The following WARS2 variants were observed in gnomAD, a reference collection of about 807,000 sequenced individuals.
The protein encoded by WARS2 is tryptophan--tRNA ligase, mitochondrial.
WARS2 carries 28 observed loss-of-function variants against 36.5 expected under a neutral mutation model. That is an observed-to-expected ratio of 0.77 (90% confidence interval 0.57 to 1.05). The LOEUF is 1.05. Among genes scored for constraint, WARS2 ranks in the 50% least tolerant of loss-of-function variants. The pLI is 0.00. For missense variants in WARS2, 435 were observed against 456.8 expected (o/e 0.95, Z 0.44); for synonymous variants, 174 against 178.4 (o/e 0.98, Z 0.20).
intron 1 of WARS2, among the ~76,000 whole-genome samples, chr1:119,125,166 C>G (rs975271813): frequency 2.0e-5 from 3 of 152,198 alleles, no homozygotes; most frequent in African/African-American, 7.2e-5. Context: ...TCAAACATGA[C>G]AGTTTAGCCC....
intron 1 of WARS2, chr1:119,126,651 A>C: frequency 1.4e-6 from 1 of 714,662 alleles, no homozygotes; most frequent in Admixed American, 1.8e-5. Context: ...AAGCTCCATA[A>C]GTTTTCCCAA....
At chr1:119,079,867 T>TA (rs1393248282) in intron 1 of WARS2, among the ~76,000 whole-genome samples, 2 of 152,150 alleles carry the variant, frequency 1.3e-5, no homozygotes, top group East Asian at 3.8e-4. Flanking sequence ...AATATAATCT[T>TA]ACACTCAAAA....
At chr1:119,123,240 C>T (rs56348524) in intron 1 of WARS2, among the ~76,000 whole-genome samples, 67,049 of 152,080 alleles carry the variant, frequency 0.44, 15,838 homozygotes, top group East Asian at 0.84. Flanking sequence ...TGGGAAAACT[C>T]TGGCCTTGTG....
chr1:119,077,314 T>C (rs1651824217), intron 1 of WARS2, among the ~76,000 whole-genome samples: 1 of 151,798 alleles, frequency 6.6e-6, no homozygotes. Context: ...ATAACTGAGG[T>C]TTGGTGGTCA....
At chr1:119,076,022 C>T (rs587613837) in intron 2 of WARS2, among the ~76,000 whole-genome samples, 4 of 152,314 alleles carry the variant, frequency 2.6e-5, no homozygotes, top group South Asian at 4.1e-4. Context: ...GATTAGTCAA[C>T]AACACAAAGT....
chr1:119,084,184 T>TG (rs1047830515), intron 1 of WARS2, among the ~76,000 whole-genome samples: 2 of 151,154 alleles, frequency 1.3e-5, no homozygotes, highest in Admixed American at 1.3e-4. Context: ...TCGGCTAATT[T>TG]TTTTTTTGGT....
chr1:119,046,434 C>T (rs1246350293), intron 2 of WARS2, among the ~76,000 whole-genome samples: 4 of 151,136 alleles, frequency 2.6e-5, no homozygotes, highest in South Asian at 2.1e-4. Context: ...CAGCAACCTC[C>T]GACTCCCAGG....
At chr1:119,099,661 T>C (rs1389422457) in intron 1 of WARS2, among the ~76,000 whole-genome samples, 1 of 152,144 alleles carries the variant, frequency 6.6e-6, no homozygotes, top group African/African-American at 2.4e-5. Context: ...TCAACTTTCA[T>C]TAGGAAATAA....
intron 2 of WARS2, among the ~76,000 whole-genome samples, chr1:119,050,052 C>T (rs1224567627): frequency 6.6e-6 from 1 of 152,206 alleles, no homozygotes; most frequent in African/African-American, 2.4e-5. Context: ...GTCCTCATAA[C>T]AGCCTGTAAG....
chr1:119,056,186 ATTTTTT>A (rs751264352), intron 2 of WARS2, among the ~76,000 whole-genome samples: 8 of 116,174 alleles, frequency 6.9e-5, no homozygotes, highest in Non-Finnish European at 1.0e-4. Flanking sequence ...TGCCTGGCTA[ATTTTTT>A]TTTTTTTTTT....
At chr1:119,112,063 C>A (rs1048032495) in intron 1 of WARS2, among the ~76,000 whole-genome samples, 2 of 152,082 alleles carry the variant, frequency 1.3e-5, no homozygotes, top group African/African-American at 2.4e-5. Flanking sequence ...TCTGGGATAA[C>A]AAGCATGCAC....
At chr1:119,072,554 A>G (rs587754271) in intron 2 of WARS2, among the ~76,000 whole-genome samples, 17 of 152,338 alleles carry the variant, frequency 1.1e-4, no homozygotes, top group African/African-American at 4.1e-4. Flanking sequence ...GACTAACTTT[A>G]CAGGAAATAA....
chr1:119,088,677 A>G (rs979706242), intron 1 of WARS2, among the ~76,000 whole-genome samples: 2 of 152,198 alleles, frequency 1.3e-5, no homozygotes, highest in South Asian at 2.1e-4. Context: ...GAAGACATCT[A>G]TGACAACAAG....
At chr1:119,052,921 G>A (rs1253184345) in intron 2 of WARS2, among the ~76,000 whole-genome samples, 1 of 152,222 alleles carries the variant, frequency 6.6e-6, no homozygotes, top group African/African-American at 2.4e-5. Flanking sequence ...AAGAGAGCTA[G>A]AGCAAACATG....
At chr1:119,124,026 CCT>C (rs1465378225) in intron 1 of WARS2, among the ~76,000 whole-genome samples, 1 of 152,148 alleles carries the variant, frequency 6.6e-6, no homozygotes, top group African/African-American at 2.4e-5. Context: ...CCTGATAACC[CCT>C]GATCTTCCCT....
At chr1:119,077,783 T>C (rs1220095504) in intron 1 of WARS2, among the ~76,000 whole-genome samples, 1 of 152,102 alleles carries the variant, frequency 6.6e-6, no homozygotes, top group African/African-American at 2.4e-5. Flanking sequence ...GTAAAAAAAA[T>C]TGCTATTTTT....
At chr1:119,083,976 C>CA (rs1163334743) in intron 1 of WARS2, among the ~76,000 whole-genome samples, 1 of 150,778 alleles carries the variant, frequency 6.6e-6, no homozygotes, top group East Asian at 1.9e-4. Flanking sequence ...TTTAAAAGTA[C>CA]AAAAAATGAT....
At chr1:119,133,139 T>C (rs1455638561) in intron 1 of WARS2, among the ~76,000 whole-genome samples, 3 of 152,232 alleles carry the variant, frequency 2.0e-5, no homozygotes, top group Non-Finnish European at 4.4e-5. Context: ...TACATGCACC[T>C]TGGGACTCAT....
intron 1 of WARS2, among the ~76,000 whole-genome samples, chr1:119,083,294 C>T (rs935694507): frequency 6.6e-6 from 1 of 152,152 alleles, no homozygotes; most frequent in Non-Finnish European, 1.5e-5. Context: ...CTTCCACCCC[C>T]TCTACCATGT....
Sources: gnomAD v4.1 joint callset for allele counts (sites outside exome capture counted in the v4.1 genomes callset) on GRCh38, gnomAD v4.1.1 for gene constraint, MANE v1.5 for transcripts, NCBI Gene and HGNC (gene_info 2026-07-23, HGNC 2026-07-21) for gene names.